Variants in TYW5 observed in about 807,000 individuals in gnomAD.
TYW5 encodes tRNA-yW synthesizing protein 5.
Under a neutral mutation model 44.4 loss-of-function variants are expected in TYW5, and 36 were observed. That is an observed-to-expected ratio of 0.81 (90% CI 0.62 to 1.07). The LOEUF (loss-of-function observed/expected upper bound fraction) is 1.07, where lower values mean the gene tolerates loss of function less well. Ranked by LOEUF, TYW5 falls within the 50% of genes least tolerant of loss-of-function variation. The probability of loss-of-function intolerance (pLI) is 0.00; values close to 1 mark genes in which losing one functional copy is unlikely to be tolerated. For synonymous variants in TYW5, 121 were observed against 128.1 expected (o/e 0.94, Z 0.37); for missense variants, 354 against 365.7 (o/e 0.97, Z 0.26).
intron 1 of TYW5, among the ~76,000 whole-genome samples, chr2:199,951,472 A>G (rs2077544346): frequency 6.6e-6 from 1 of 152,162 alleles, no homozygotes; most frequent in Admixed American, 6.6e-5. Context: ...TGATTTTATT[A>G]TTATGACTTT....
chr2:199,929,554 A>AT lies in TYW5; in HGVS notation c.*3512dup, dbSNP rs33943305. Among the ~76,000 whole-genome samples the AT allele has an allele frequency of 2.4e-3, 261 of 107,536 alleles. 2 individuals are homozygous for AT. The highest frequency in any genetic ancestry group is 9.2e-3 in the Middle Eastern group (2 of 218). 70.5% of individuals were successfully genotyped at this position (107,536 alleles called of 152,430 possible). A position where few individuals can be genotyped will look rare whatever the true frequency, so the allele number is the denominator to read the frequency against. ...CCAGGCCTGCCTTCCAGCTTCCTGC[A>AT]TTTTTTTTTTTTTTTTTTTGTCAAC... On this transcript the variant is annotated 3_prime_UTR_variant, in exon 8 of 8. Transcript: ENST00000354611.
At chr2:199,943,040 G>A (rs746937901) in intron 3 of TYW5, 1 of 152,098 alleles carries the variant, frequency 6.6e-6, no homozygotes. Flanking sequence ...ATTTTTAGTA[G>A]AGACTGGGTT....
Position 199,932,069 on chromosome 2 carries a change from T to C in TYW5, c.*998A>G, listed in dbSNP as rs2077382701. 1 of 152,208 alleles carries C rather than the reference T, an allele frequency of 6.6e-6. No homozygotes were observed. Among genetic ancestry groups the C allele is most frequent in the Non-Finnish European group, 1.5e-5 (1 of 68,034 alleles). The allele number at this position is 152,208 out of a possible 1,614,324, so 9.4% of individuals were successfully genotyped here. On this transcript the variant is annotated 3_prime_UTR_variant, in exon 8 of 8. Coordinates refer to ENST00000354611, the MANE Select transcript of TYW5 (RefSeq NM_001039693.3). ...TCAAAAACCAAAAACCACCCTGACATACTGGGTGGCAAGAAAAGTCAAGAT... is the reference window on the plus strand; with the variant it reads ...TCAAAAACCAAAAACCACCCTGACACACTGGGTGGCAAGAAAAGTCAAGAT...
At chr2:199,937,433 T>C (rs2077428981) in intron 5 of TYW5, among the ~76,000 whole-genome samples, 1 of 151,562 alleles carries the variant, frequency 6.6e-6, no homozygotes, top group Admixed American at 6.6e-5. Context: ...GAGGTCGAGG[T>C]GGGCGGATTA....
intron 4 of TYW5, among the ~76,000 whole-genome samples, 191 bp from the exon 5 acceptor site, chr2:199,939,261 G>A (rs1559302348): frequency 6.6e-6 from 1 of 151,646 alleles, no homozygotes; most frequent in Non-Finnish European, 1.5e-5. Context: ...CTCCCACCAC[G>A]CCCAGCTAAT....
chr2:199,941,261 G>A lies in TYW5; in HGVS notation c.304-1128C>T, dbSNP rs770098467. On this transcript the variant is annotated intron_variant, in intron 3 of 7. Transcript: ENST00000354611. ...TCGCTATGTTGTCCAAGTTGGTCTC[G>A]AACTCCTGGACTCAAGTGATCCTCC... 3.3e-5 allele frequency among the ~76,000 whole-genome samples: 5 copies of A among 152,084 alleles called. 1 individual carries two copies. The highest frequency in any genetic ancestry group is 4.8e-5 in the African/African-American group (2 of 41,420).
chr2:199,938,923 T>G lies in TYW5; in HGVS notation c.486+10A>C. The G allele has an allele frequency of 6.3e-7, 1 of 1,590,426 alleles. No homozygotes were observed. Among genetic ancestry groups the G allele is most frequent in the Non-Finnish European group, 8.5e-7 (1 of 1,172,972 alleles). On this transcript the variant is annotated intron_variant, in intron 5 of 7. Transcript: ENST00000354611. ...ATTGTAGCTTTAAATTTCTCATTTA[T>G]GTAGCATACATCATAATGAGTCCAT...
rs201737223 is a variant in TYW5 at position 199,936,389 on chromosome 2, A to G, written c.574+16T>C. On this transcript the variant is annotated intron_variant, in intron 6 of 7. Transcript: ENST00000354611. Reference sequence around the variant, plus strand: ...GAATAGACTTTTGAAATATAAACTTAAAAAAAATCCCATACCTTTTAAATA... The same window carrying G: ...GAATAGACTTTTGAAATATAAACTTGAAAAAAATCCCATACCTTTTAAATA... 49 of 1,590,422 alleles carry G rather than the reference A, an allele frequency of 3.1e-5. No individual in the cohort carries two copies. The highest frequency in any genetic ancestry group is 3.9e-5 in the Non-Finnish European group (45 of 1,167,894).
rs1205103311 is a variant in TYW5, at chr2:199,931,196, T to C, written c.*1871A>G. On this transcript the variant is annotated 3_prime_UTR_variant, in exon 8 of 8. Transcript: ENST00000354611. The stretch of plus-strand genomic sequence containing the variant: ...AAGAACTAGCACCAGTTATCAACTA[T>C]GTGCCTGCCCTTGAACTCTCTGCAT... 5 of 152,220 alleles carry C rather than the reference T, an allele frequency of 3.3e-5. No individual in the cohort carries two copies. The highest frequency in any genetic ancestry group is 7.3e-5 in the Non-Finnish European group (5 of 68,036). The allele number at this position is 152,220 out of a possible 1,614,324, so 9.4% of individuals were successfully genotyped here. A position where few individuals can be genotyped will look rare whatever the true frequency, so the allele number is the denominator to read the frequency against.
chr2:199,931,853 T>C lies in TYW5; in HGVS notation c.*1214A>G, dbSNP rs979923551. Reference sequence around the variant, plus strand: ...TTCAATGACACTGCAATATAATTACTAGGTACAAAACAAAAGCAGAGATCC... The same window carrying C: ...TTCAATGACACTGCAATATAATTACCAGGTACAAAACAAAAGCAGAGATCC... On this transcript the variant is annotated 3_prime_UTR_variant, in exon 8 of 8. Transcript: ENST00000354611. 2 of 152,114 alleles carry C rather than the reference T, an allele frequency of 1.3e-5. No individual in the cohort carries two copies. The highest frequency in any genetic ancestry group is 2.9e-5 in the Non-Finnish European group (2 of 68,020). The allele number at this position is 152,114 out of a possible 1,614,324, so 9.4% of individuals were successfully genotyped here. A position where few individuals can be genotyped will look rare whatever the true frequency, so the allele number is the denominator to read the frequency against.
Position 199,933,020 on chromosome 2 carries a change from G to C in TYW5, c.*47C>G. ...TTTAACAAAATCTTTAATTTATATC[G>C]TTATACCTTACTAAAGTGTTAATGT... is the stretch of plus-strand genomic sequence containing the variant. On this transcript the variant is annotated 3_prime_UTR_variant, in exon 8 of 8. Transcript: ENST00000354611. The C allele has an allele frequency of 6.3e-7, 1 of 1,588,508 alleles. No homozygotes were observed. The highest frequency in any genetic ancestry group is 1.2e-5 in the South Asian group (1 of 86,822).
At chr2:199,951,979 T>C (rs2077548797) in intron 1 of TYW5, among the ~76,000 whole-genome samples, 1 of 150,606 alleles carries the variant, frequency 6.6e-6, no homozygotes, top group Non-Finnish European at 1.5e-5. Context: ...ATCGTGCCAC[T>C]GCACTCCAGC....
intron 1 of TYW5, among the ~76,000 whole-genome samples, chr2:199,953,409 T>C (rs1174431074): frequency 6.6e-6 from 1 of 152,226 alleles, no homozygotes; most frequent in Non-Finnish European, 1.5e-5. Flanking sequence ...ATGTTGATCA[T>C]GGAGGAGGCT....
At position 199,933,657 on chromosome 2, in the gene TYW5, A is replaced by G. The variant is rs2077397724; in HGVS notation, c.692-334T>C. On this transcript the variant is annotated intron_variant, in intron 7 of 7. Transcript: ENST00000354611. ...TTGTGTTACTTGTTTATACTTCCTG[A>G]GTCATACAACCACATCAAAGTGTTT... Among the ~76,000 whole-genome samples the G allele has an allele frequency of 2.0e-5, 3 of 152,290 alleles. No individual in the cohort carries two copies. In the South Asian group the frequency reaches 6.2e-4, roughly 32 times the overall value.
rs1472320595 is a variant in TYW5, at chr2:199,929,177, G to GACT, written c.*3887_*3889dup. Among the ~76,000 whole-genome samples, 1 of 137,596 alleles carries GACT rather than the reference G, an allele frequency of 7.3e-6. No individual in the cohort carries two copies. Among genetic ancestry groups the GACT allele is most frequent in the Admixed American group, 7.3e-5 (1 of 13,684 alleles). The allele number at this position is 137,596 out of a possible 152,430, so 90.3% of individuals were successfully genotyped here. ...TTCTGTTTAATGGAACTTAGAAAGAGACTACATCGTGGGGTTGGGGGAGGG... is the reference window on the plus strand; with the variant it reads ...TTCTGTTTAATGGAACTTAGAAAGAGACTACTACATCGTGGGGTTGGGGGAGGG... On this transcript the variant is annotated 3_prime_UTR_variant, in exon 8 of 8. Transcript: ENST00000354611.
chr2:199,953,737 A>G (rs1043611306), intron 1 of TYW5, among the ~76,000 whole-genome samples: 6 of 152,080 alleles, frequency 3.9e-5, no homozygotes, highest in African/African-American at 1.5e-4. Context: ...TTCCAGATAG[A>G]AAGGTCTTTT....
At chr2:199,941,016 A>G (rs1254280004) in intron 3 of TYW5, among the ~76,000 whole-genome samples, 2 of 152,204 alleles carry the variant, frequency 1.3e-5, no homozygotes, top group Non-Finnish European at 2.9e-5. Context: ...ATTTCATTGT[A>G]GTAAACGTAA....
At chr2:199,948,722 AT>A (rs1334384019) in intron 1 of TYW5, among the ~76,000 whole-genome samples, 1 of 152,180 alleles carries the variant, frequency 6.6e-6, no homozygotes, top group Non-Finnish European at 1.5e-5. Context: ...AATGACTAAA[AT>A]TTGTACTTTA....
rs907215261 is a variant in TYW5, at chr2:199,946,028, C to T, written c.234-2194G>A. 7.2e-5 allele frequency: 11 copies of T among 152,256 alleles called. No homozygotes were observed. The South Asian group carries it at 1.5e-3, about 20-fold the overall frequency. The allele number at this position is 152,256 out of a possible 1,614,324, so 9.4% of individuals were successfully genotyped here. On this transcript the variant is annotated intron_variant, in intron 2 of 7. Transcript: ENST00000354611. ...TCAAAGAAGGCTTAATCATGGGCTC[C>T]GTGGAGTCAGGGAAATTAGAGTAAA...
Sources: gnomAD v4.1 joint callset for allele counts (sites outside exome capture counted in the v4.1 genomes callset) on GRCh38, gnomAD v4.1.1 for gene constraint, MANE v1.5 for transcripts, NCBI Gene and HGNC (gene_info 2026-07-23, HGNC 2026-07-21) for gene names.